The following NCKAP1L variants were observed in gnomAD, a reference collection of about 807,000 sequenced individuals.
NCKAP1L encodes NCK associated protein 1 like, also known as nck-associated protein 1-like.
In NCKAP1L, 53 loss-of-function variants were observed where a neutral mutation model predicts 139.2. That is an observed-to-expected ratio of 0.38 (90% CI 0.31 to 0.48). NCKAP1L has a LOEUF of 0.48. Ranked by LOEUF, NCKAP1L falls within the 20% of genes least tolerant of loss-of-function variation. The pLI, the probability that NCKAP1L is intolerant of heterozygous loss-of-function variation, is 0.98. For synonymous variants in NCKAP1L, 468 were observed against 499.7 expected (o/e 0.94, Z 0.85); for missense variants, 1,151 against 1,381.9 (o/e 0.83, Z 2.65).
chr12:54,500,636 T>C lies in NCKAP1L; in HGVS notation c.306+11T>C, dbSNP rs1956790727. The C allele has an allele frequency of 1.3e-6, 2 of 1,561,944 alleles. No individual in the cohort carries two copies. The highest frequency in any genetic ancestry group is 1.1e-5 in the South Asian group (1 of 90,024). Reference sequence around the variant, plus strand: ...GTCATGGAATTTCGGGTGAGCTCTCTTGAGCCGTTTCCAATGTAGGCAAGG... The same window carrying C: ...GTCATGGAATTTCGGGTGAGCTCTCCTGAGCCGTTTCCAATGTAGGCAAGG... On this transcript the variant is annotated intron_variant, in intron 3 of 30. Transcript: ENST00000293373.
At position 54,497,906 on chromosome 12, in the gene NCKAP1L, T is replaced by C; in HGVS notation, c.102+15T>C. ...ACATCAAGAAGGTAAGCATGAACAA[T>C]GGGACTAGTACTGATTATTCCAACA... is the stretch of plus-strand genomic sequence containing the variant. On this transcript the variant is annotated intron_variant, in intron 1 of 30. Transcript: ENST00000293373. 1 of 1,493,502 alleles carries C rather than the reference T, an allele frequency of 6.7e-7. No individual in the cohort carries two copies. The highest frequency in any genetic ancestry group is 2.3e-5 in the East Asian group (1 of 44,294). The allele number at this position is 1,493,502 out of a possible 1,614,324, so 92.5% of individuals were successfully genotyped here. A position where few individuals can be genotyped will look rare whatever the true frequency, so the allele number is the denominator to read the frequency against.
rs1957193302 is a variant in NCKAP1L at position 54,545,861 on chromosome 12, C to T, written c.*3176C>T. On this transcript the variant is annotated 3_prime_UTR_variant, in exon 31 of 31. Coordinates refer to ENST00000293373, the MANE Select transcript of NCKAP1L (RefSeq NM_005337.5). ...GGGCAAGATACTTGCATAGGTGCCC[C>T]CTTTTGTTTGGACAGTAGAAACACT... 6.6e-6 allele frequency: 1 copy of T among 152,256 alleles called. No individual in the cohort carries two copies. The highest frequency in any genetic ancestry group is 2.4e-5 in the African/African-American group (1 of 41,476). 9.4% of individuals were successfully genotyped at this position (152,256 alleles called of 1,614,324 possible).
In NCKAP1L at chr12:54,518,908, T is replaced by C. The variant is rs368064709; in HGVS notation, c.1421-6T>C. On this transcript the variant is annotated splice_polypyrimidine_tract_variant and splice_region_variant and intron_variant, in intron 14 of 30. Coordinates refer to ENST00000293373, the MANE Select transcript of NCKAP1L (RefSeq NM_005337.5). ...GTTTCCTTTTATACTTCCGTTTTTCTTGCAGTTGATAATGGAGAAAAATTT... is the reference window on the plus strand; with the variant it reads ...GTTTCCTTTTATACTTCCGTTTTTCCTGCAGTTGATAATGGAGAAAAATTT... 2 of 1,613,294 alleles carry C rather than the reference T, an allele frequency of 1.2e-6. No homozygotes were observed. Among genetic ancestry groups the C allele is most frequent in the Non-Finnish European group, 8.5e-7 (1 of 1,179,308 alleles).
At chr12:54,520,126 A>G (rs887679358) in intron 16 of NCKAP1L, among the ~76,000 whole-genome samples, 2 of 152,234 alleles carry the variant, frequency 1.3e-5, no homozygotes, top group Admixed American at 6.5e-5. Flanking sequence ...ACAAAACACA[A>G]TGTGTTGTCT....
At chr12:54,498,399 TTGTGTGTGTGTG>T (rs766272206) in intron 1 of NCKAP1L, among the ~76,000 whole-genome samples, 11 of 142,388 alleles carry the variant, frequency 7.7e-5, no homozygotes, top group Admixed American at 5.6e-4. Context: ...GCTGTGGTGG[TTGTGTGTGTGTG>T]TGTGTGTGTG....
chr12:54,508,283 G>T (rs1956858674), intron 4 of NCKAP1L, 106 bp from the exon 5 acceptor site: 1 of 1,138,982 alleles, frequency 8.8e-7, no homozygotes, highest in Non-Finnish European at 1.3e-6. Flanking sequence ...CTTCTAAATA[G>T]ATTCACTCGG....
At chr12:54,515,802 A>C (rs1208303716) in intron 9 of NCKAP1L, among the ~76,000 whole-genome samples, 1 of 152,206 alleles carries the variant, frequency 6.6e-6, no homozygotes, top group Non-Finnish European at 1.5e-5. Context: ...GTTGGTGGGA[A>C]TGGGACCCAA....
Position 54,544,067 on chromosome 12 carries a change from A to C in NCKAP1L, c.*1382A>C, listed in dbSNP as rs1290055222. The C allele has an allele frequency of 6.6e-6, 1 of 152,162 alleles. No individual in the cohort carries two copies. The highest frequency in any genetic ancestry group is 1.5e-5 in the Non-Finnish European group (1 of 68,032). 9.4% of individuals were successfully genotyped at this position (152,162 alleles called of 1,614,324 possible). A position where few individuals can be genotyped will look rare whatever the true frequency, so the allele number is the denominator to read the frequency against. ...ACCCAGGCTTAGTCAATACTTTCTT[A>C]ACTTGGCACCCATAATCAACATACA... On this transcript the variant is annotated 3_prime_UTR_variant, in exon 31 of 31. Coordinates refer to ENST00000293373, the MANE Select transcript of NCKAP1L (RefSeq NM_005337.5).
At chr12:54,529,080 CAT>C (rs1395474227) in intron 22 of NCKAP1L, among the ~76,000 whole-genome samples, 7 of 152,320 alleles carry the variant, frequency 4.6e-5, no homozygotes, top group African/African-American at 1.7e-4. Flanking sequence ...ACTTAATCCT[CAT>C]AACAGCCTTG....
intron 3 of NCKAP1L, among the ~76,000 whole-genome samples, chr12:54,506,723 A>G (rs2120887569): frequency 7.0e-6 from 1 of 143,414 alleles, no homozygotes; most frequent in East Asian, 2.0e-4. Flanking sequence ...GTGAACCGCC[A>G]TGCTTGGCAT....
chr12:54,543,172 A>T lies in NCKAP1L; in HGVS notation c.*487A>T, dbSNP rs1203303457. On this transcript the variant is annotated 3_prime_UTR_variant, in exon 31 of 31. Coordinates refer to ENST00000293373, the MANE Select transcript of NCKAP1L (RefSeq NM_005337.5). ...CCATTATCTTCTCTCTTCCTTTTTC[A>T]AATGTGTTCAGCAAACATTCAACCT... 6.6e-6 allele frequency: 1 copy of T among 152,554 alleles called. No individual in the cohort carries two copies. The highest frequency in any genetic ancestry group is 1.5e-5 in the Non-Finnish European group (1 of 68,338). 9.5% of individuals were successfully genotyped at this position (152,554 alleles called of 1,614,324 possible).
At chr12:54,514,556 C>T (rs1246991117) in intron 9 of NCKAP1L, among the ~76,000 whole-genome samples, 1 of 152,158 alleles carries the variant, frequency 6.6e-6, no homozygotes, top group Non-Finnish European at 1.5e-5. Context: ...CTCCTGATCT[C>T]AGGTGATCCA....
Position 54,526,447 on chromosome 12 carries a change from G to A in NCKAP1L, c.2157-81G>A. The A allele has an allele frequency of 3.5e-6, 4 of 1,128,130 alleles. No homozygotes were observed. The South Asian group carries it at 5.2e-5, about 15-fold the overall frequency. The allele number at this position is 1,128,130 out of a possible 1,614,324, so 69.9% of individuals were successfully genotyped here. On this transcript the variant is annotated intron_variant, in intron 20 of 30. Transcript: ENST00000293373. Reference sequence around the variant, plus strand: ...TAGTAAAATCCTAGCACAGCACCTGGAACACAATATACACTCAACAATTGT... The same window carrying A: ...TAGTAAAATCCTAGCACAGCACCTGAAACACAATATACACTCAACAATTGT...
At chr12:54,524,142 C>G (rs756008765) in intron 20 of NCKAP1L, among the ~76,000 whole-genome samples, 186 bp downstream of exon 20, 1 of 152,172 alleles carries the variant, frequency 6.6e-6, no homozygotes, top group Non-Finnish European at 1.5e-5. Context: ...TAAAAGCAAA[C>G]AAAAGGAACC....
At chr12:54,511,646 ATCC>A (rs1039510640) in intron 7 of NCKAP1L, among the ~76,000 whole-genome samples, 154 bp from the exon 8 acceptor site, 1 of 152,224 alleles carries the variant, frequency 6.6e-6, no homozygotes, top group African/African-American at 2.4e-5. Flanking sequence ...GCCTCAAGCT[ATCC>A]TCCTGCCCCT....
chr12:54,528,643 T>G (rs889295143), intron 22 of NCKAP1L, among the ~76,000 whole-genome samples: 13 of 151,688 alleles, frequency 8.6e-5, no homozygotes, highest in African/African-American at 3.1e-4. Context: ...TTTTTTTTTT[T>G]GAGATGGAGT....
At chr12:54,499,566 G>A in intron 2 of NCKAP1L, 101 bp downstream of exon 2, 1 of 686,906 alleles carries the variant, frequency 1.5e-6, no homozygotes, top group Non-Finnish European at 2.6e-6. Flanking sequence ...GCAGGGGATG[G>A]AGTAGTCTTT....
At chr12:54,533,419 C>T (rs531303571) in intron 26 of NCKAP1L, among the ~76,000 whole-genome samples, 31 of 152,162 alleles carry the variant, frequency 2.0e-4, no homozygotes, top group Non-Finnish European at 3.5e-4. Flanking sequence ...TCCAGAAAAC[C>T]TCATGAACCA....
chr12:54,504,013 A>G (rs929269146), intron 3 of NCKAP1L, among the ~76,000 whole-genome samples: 1 of 152,188 alleles, frequency 6.6e-6, no homozygotes, highest in African/African-American at 2.4e-5. Context: ...AGCAAATTGC[A>G]GTAAGACAGT....
Sources: allele counts gnomAD v4.1 joint callset (sites outside exome capture counted in the v4.1 genomes callset), GRCh38; gene constraint gnomAD v4.1.1; transcripts MANE v1.5; gene names NCBI Gene and HGNC (gene_info 2026-07-23, HGNC 2026-07-21).